INPP4B: variants seen among roughly 807,000 people sequenced by gnomAD.
The protein encoded by INPP4B is inositol polyphosphate 4-phosphatase type II.
In INPP4B, 55 loss-of-function variants were observed where a neutral mutation model predicts 122.5. The ratio of observed to expected loss-of-function variants is 0.45; its 90% CI spans 0.36 to 0.56. INPP4B has a LOEUF of 0.56. INPP4B is among the 20% of genes least tolerant of loss of function. The pLI is 0.00. For missense variants in INPP4B, 1,000 were observed against 1,097.7 expected (o/e 0.91, Z 1.26); for synonymous variants, 403 against 388.7 (o/e 1.04, Z -0.43).
At chr4:142,477,827 C>T (rs1280038447) in intron 2 of INPP4B, among the ~76,000 whole-genome samples, 1 of 152,130 alleles carries the variant, frequency 6.6e-6, no homozygotes, top group Non-Finnish European at 1.5e-5. Context: ...GATGGATTCA[C>T]AGACAAATTC....
intron 1 of INPP4B, among the ~76,000 whole-genome samples, chr4:142,742,873 G>A (rs927738036): frequency 1.3e-5 from 2 of 151,886 alleles, no homozygotes; most frequent in Non-Finnish European, 1.5e-5. Context: ...AGAGGGAGGT[G>A]ATAAAATTTC....
In INPP4B at chr4:142,604,234, T is replaced by A. The variant is rs909005347; in HGVS notation, c.-191+121605A>T. ...GGTATAGATGAACCATAGTTTCAAA[T>A]AATAAAAGCCATATATTACAAACCC... On this transcript the variant is annotated intron_variant, in intron 2 of 25. Coordinates refer to ENST00000262992, the MANE Select transcript of INPP4B (RefSeq NM_001101669.3). 3.3e-5 allele frequency among the ~76,000 whole-genome samples: 5 copies of A among 152,182 alleles called. No homozygotes were observed. In the South Asian group the frequency reaches 1.0e-3, roughly 31 times the overall value.
chr4:142,062,632 G>A (rs999732189), intron 25 of INPP4B, among the ~76,000 whole-genome samples: 22 of 151,620 alleles, frequency 1.5e-4, no homozygotes, highest in African/African-American at 4.4e-4. Flanking sequence ...GCTACTTGGG[G>A]GGCTGAGGCA....
chr4:142,710,609 T>C (rs1304835969), intron 2 of INPP4B, among the ~76,000 whole-genome samples: 1 of 152,214 alleles, frequency 6.6e-6, no homozygotes, highest in Non-Finnish European at 1.5e-5. Context: ...TATTTTCACA[T>C]ATTGAAAGCC....
At chr4:142,736,754 T>A (rs111953258) in intron 1 of INPP4B, among the ~76,000 whole-genome samples, 1 of 152,262 alleles carries the variant, frequency 6.6e-6, no homozygotes, top group African/African-American at 2.4e-5. Flanking sequence ...ACAGGGACAA[T>A]TTGACTTCCT....
At chr4:142,758,896 G>C (rs775411673) in intron 1 of INPP4B, among the ~76,000 whole-genome samples, 4 of 151,306 alleles carry the variant, frequency 2.6e-5, no homozygotes, top group Non-Finnish European at 5.9e-5. Flanking sequence ...GAAGTTGCAG[G>C]GAGCTGAGAA....
intron 2 of INPP4B, among the ~76,000 whole-genome samples, chr4:142,602,196 C>G (rs1462786960): frequency 6.6e-6 from 1 of 151,850 alleles, no homozygotes; most frequent in African/African-American, 2.4e-5. Flanking sequence ...AACAGGCAAG[C>G]AGAGAGCCAA....
intron 25 of INPP4B, among the ~76,000 whole-genome samples, chr4:142,036,153 G>A (rs1743803195): frequency 6.6e-6 from 1 of 152,028 alleles, no homozygotes; most frequent in Admixed American, 6.6e-5. Flanking sequence ...AAAATGTGGG[G>A]TATTTGGTTT....
chr4:142,034,229 C>T (rs1742345136), intron 25 of INPP4B, among the ~76,000 whole-genome samples: 1 of 152,112 alleles, frequency 6.6e-6, no homozygotes, highest in Non-Finnish European at 1.5e-5. Flanking sequence ...AGTGATGTTA[C>T]CCAGGGACAT....
intron 18 of INPP4B, among the ~76,000 whole-genome samples, chr4:142,134,665 C>T (rs1363200113): frequency 6.6e-6 from 1 of 151,774 alleles, no homozygotes; most frequent in Non-Finnish European, 1.5e-5. Flanking sequence ...GGCATAGTGG[C>T]GCATGCCTGT....
At position 142,483,182 on chromosome 4, in the gene INPP4B, C is replaced by CTTTTTTTTTTTTTTTTTTTTTTTTTT. The variant is rs5862604; in HGVS notation, c.-190-20482_-190-20457dup. On this transcript the variant is annotated intron_variant, in intron 2 of 25. Coordinates refer to ENST00000262992, the MANE Select transcript of INPP4B (RefSeq NM_001101669.3). Reference sequence around the variant, plus strand: ...TAATAATGACTGGAGTCAGGCTATGCTTTTTTTTTTTTTTTTTTTTTTTTT... The same window carrying CTTTTTTTTTTTTTTTTTTTTTTTTTT: ...TAATAATGACTGGAGTCAGGCTATGCTTTTTTTTTTTTTTTTTTTTTTTTTTTTTTTTTTTTTTTTTTTTTTTTTTT... Among the ~76,000 whole-genome samples, 4 of 48,326 alleles carry CTTTTTTTTTTTTTTTTTTTTTTTTTT rather than the reference C, an allele frequency of 8.3e-5. 1 individual carries two copies. Among genetic ancestry groups the CTTTTTTTTTTTTTTTTTTTTTTTTTT allele is most frequent in the African/African-American group, 4.0e-4 (4 of 10,084 alleles). 31.7% of individuals were successfully genotyped at this position (48,326 alleles called of 152,430 possible).
chr4:142,819,393 A>G (rs1274144641), intron 1 of INPP4B, among the ~76,000 whole-genome samples: 2 of 152,126 alleles, frequency 1.3e-5, no homozygotes. Flanking sequence ...ATAGGGTCTA[A>G]TTCACATCTG....
At chr4:142,038,484 A>G (rs1360747094) in intron 25 of INPP4B, among the ~76,000 whole-genome samples, 2 of 152,186 alleles carry the variant, frequency 1.3e-5, no homozygotes, top group African/African-American at 4.8e-5. Context: ...AGAAAGAGCA[A>G]TCTTGGGCAA....
intron 1 of INPP4B, among the ~76,000 whole-genome samples, chr4:142,819,684 T>A (rs778696917): frequency 2.6e-5 from 4 of 152,132 alleles, no homozygotes; most frequent in Non-Finnish European, 5.9e-5. Flanking sequence ...AAAATTCAAA[T>A]ACGTATGTGG....
At chr4:142,503,953 G>T (rs1364802817) in intron 2 of INPP4B, among the ~76,000 whole-genome samples, 2 of 151,846 alleles carry the variant, frequency 1.3e-5, no homozygotes, top group Non-Finnish European at 2.9e-5. Flanking sequence ...TTCCATATTT[G>T]TTATAAACTT....
intron 2 of INPP4B, among the ~76,000 whole-genome samples, chr4:142,512,340 T>G (rs1824825836): frequency 6.6e-6 from 1 of 152,168 alleles, no homozygotes; most frequent in South Asian, 2.1e-4. Flanking sequence ...TAGCTGATTT[T>G]GTAAGTCAGG....
intron 16 of INPP4B, among the ~76,000 whole-genome samples, chr4:142,160,805 C>G (rs17015612): frequency 6.6e-6 from 1 of 151,904 alleles, no homozygotes; most frequent in Non-Finnish European, 1.5e-5. Flanking sequence ...CTATAAACAC[C>G]GTCTGTCTCC....
At chr4:142,626,193 G>T (rs1348862854) in intron 2 of INPP4B, among the ~76,000 whole-genome samples, 1 of 152,080 alleles carries the variant, frequency 6.6e-6, no homozygotes, top group East Asian at 1.9e-4. Context: ...AGAGTGAACA[G>T]GCAACCTACA....
intron 5 of INPP4B, among the ~76,000 whole-genome samples, chr4:142,410,832 T>C (rs367856007): frequency 1.4e-4 from 22 of 152,338 alleles, no homozygotes; most frequent in Non-Finnish European, 2.2e-4. Context: ...AGTTATACTG[T>C]GCATTAACAC....
Sources: allele counts gnomAD v4.1 joint callset (sites outside exome capture counted in the v4.1 genomes callset), GRCh38; gene constraint gnomAD v4.1.1; transcripts MANE v1.5; gene names NCBI Gene and HGNC (gene_info 2026-07-23, HGNC 2026-07-21).